APPBP2: variants seen among roughly 807,000 people sequenced by gnomAD.
The protein encoded by APPBP2 is amyloid protein-binding protein 2.
Under a neutral mutation model 76.0 loss-of-function variants are expected in APPBP2, and 15 were observed. That is an observed-to-expected ratio of 0.20 (90% CI 0.13 to 0.30). The LOEUF is 0.30. Ranked by LOEUF, APPBP2 falls within the 10% of genes least tolerant of loss-of-function variation. APPBP2 has a pLI of 1.00. For missense variants in APPBP2, 401 were observed against 687.2 expected (o/e 0.58, Z 4.66); for synonymous variants, 222 against 242.2 (o/e 0.92, Z 0.77).
intron 3 of APPBP2, among the ~76,000 whole-genome samples, chr17:60,488,141 G>A (rs1298628263): frequency 5.3e-5 from 8 of 152,206 alleles, no homozygotes; most frequent in Admixed American, 5.2e-4. Context: ...GCCCCTACTG[G>A]GAGGTGTCTC....
At chr17:60,491,232 G>A (rs2143421388) in intron 3 of APPBP2, among the ~76,000 whole-genome samples, 1 of 152,256 alleles carries the variant, frequency 6.6e-6, no homozygotes, top group South Asian at 2.1e-4. Context: ...GTTGGAAACT[G>A]GAGTAAAGGT....
At chr17:60,492,872 T>C (rs2090741229) in intron 3 of APPBP2, among the ~76,000 whole-genome samples, 1 of 152,174 alleles carries the variant, frequency 6.6e-6, no homozygotes. Context: ...TGTTGAAATG[T>C]GAGGACATGA....
At chr17:60,511,879 G>A (rs968810093) in intron 1 of APPBP2, among the ~76,000 whole-genome samples, 4 of 151,874 alleles carry the variant, frequency 2.6e-5, no homozygotes, top group Non-Finnish European at 5.9e-5. Flanking sequence ...ATTATATAAA[G>A]ATATATTTTT....
At position 60,525,991 on chromosome 17, in the gene APPBP2, C is replaced by A; in HGVS notation, c.-60G>T. On this transcript the variant is annotated 5_prime_UTR_variant, in exon 1 of 13. Transcript: ENST00000083182. ...TCCTCCCGAAGGCCCCCACCTCCCT[C>A]CGTAGCGAACCCCTCTGCGGCCCCG... The A allele has an allele frequency of 6.7e-7, 1 of 1,491,274 alleles. No homozygotes were observed. The highest frequency in any genetic ancestry group is 9.1e-7 in the Non-Finnish European group (1 of 1,101,888). 92.4% of individuals were successfully genotyped at this position (1,491,274 alleles called of 1,614,324 possible).
At chr17:60,511,353 G>A (rs1196598582) in intron 1 of APPBP2, among the ~76,000 whole-genome samples, 1 of 152,084 alleles carries the variant, frequency 6.6e-6, no homozygotes, top group Admixed American at 6.6e-5. Flanking sequence ...CTGGGAAGCC[G>A]AGGTGGGTGG....
At chr17:60,454,705 T>C (rs1293398093) in intron 10 of APPBP2, among the ~76,000 whole-genome samples, 2 of 152,182 alleles carry the variant, frequency 1.3e-5, no homozygotes, top group African/African-American at 4.8e-5. Context: ...ATATTCAAAT[T>C]TAAGAAAAAC....
chr17:60,475,935 T>G (rs551642383), intron 4 of APPBP2, among the ~76,000 whole-genome samples: 4 of 152,044 alleles, frequency 2.6e-5, no homozygotes, highest in Non-Finnish European at 5.9e-5. Flanking sequence ...ACTGATTAGC[T>G]CCAAAGAAAA....
At chr17:60,515,589 G>A (rs1308033711) in intron 1 of APPBP2, among the ~76,000 whole-genome samples, 1 of 152,168 alleles carries the variant, frequency 6.6e-6, no homozygotes, top group Non-Finnish European at 1.5e-5. Flanking sequence ...CGTCACTACT[G>A]TCCAAGAATA....
At chr17:60,476,544 C>A (rs1300531879) in intron 4 of APPBP2, among the ~76,000 whole-genome samples, 1 of 151,874 alleles carries the variant, frequency 6.6e-6, no homozygotes, top group Non-Finnish European at 1.5e-5. Context: ...ATTAAATACA[C>A]CTGTAACGGC....
chr17:60,503,487 G>T (rs2090839717), intron 1 of APPBP2, among the ~76,000 whole-genome samples: 1 of 145,346 alleles, frequency 6.9e-6, no homozygotes, highest in Non-Finnish European at 1.5e-5. Context: ...TCAGGTTCAA[G>T]TGATTCCCTT....
chr17:60,521,742 A>C (rs1350153336), intron 1 of APPBP2, among the ~76,000 whole-genome samples: 1 of 152,208 alleles, frequency 6.6e-6, no homozygotes, highest in Non-Finnish European at 1.5e-5. Context: ...AATGAGACCC[A>C]ACAGAAATTC....
At chr17:60,455,095 A>T (rs560325350) in intron 10 of APPBP2, among the ~76,000 whole-genome samples, 9 of 152,286 alleles carry the variant, frequency 5.9e-5, no homozygotes, top group Non-Finnish European at 1.3e-4. Flanking sequence ...AGAAAAAGAG[A>T]TTTACTTCAC....
chr17:60,522,873 T>TAA (rs1233255668), intron 1 of APPBP2, among the ~76,000 whole-genome samples: 1 of 149,180 alleles, frequency 6.7e-6, no homozygotes, highest in Non-Finnish European at 1.5e-5. Context: ...TTTTTTTTTT[T>TAA]AAAAAAAAGA....
intron 4 of APPBP2, chr17:60,477,350 G>T (rs1239583843): frequency 1.3e-5 from 2 of 152,146 alleles, no homozygotes; most frequent in Non-Finnish European, 2.9e-5. Flanking sequence ...ATACAAAAAA[G>T]AAAGTGTTTT....
At chr17:60,512,403 C>T (rs2090921566) in intron 1 of APPBP2, among the ~76,000 whole-genome samples, 1 of 152,054 alleles carries the variant, frequency 6.6e-6, no homozygotes, top group Admixed American at 6.6e-5. Flanking sequence ...ATAATCCTTC[C>T]TATATTGCAT....
intron 1 of APPBP2, among the ~76,000 whole-genome samples, chr17:60,507,216 TTTC>T (rs894054333): frequency 3.2e-4 from 43 of 135,710 alleles, no homozygotes; most frequent in African/African-American, 1.2e-3. Flanking sequence ...ATTAAATATT[TTTC>T]TTTTTTCTTT....
At chr17:60,474,184 T>G (rs947599824) in intron 4 of APPBP2, among the ~76,000 whole-genome samples, 2 of 152,068 alleles carry the variant, frequency 1.3e-5, no homozygotes, top group African/African-American at 4.8e-5. Flanking sequence ...TTTATTTTTT[T>G]TTTTTGAGAC....
chr17:60,483,628 C>T (rs1318038537), intron 3 of APPBP2, among the ~76,000 whole-genome samples: 1 of 152,058 alleles, frequency 6.6e-6, no homozygotes, highest in Non-Finnish European at 1.5e-5. Flanking sequence ...CTCCCGACCT[C>T]GTGATCCGCT....
rs141860411 is a variant in APPBP2, at chr17:60,482,588, C to T, written c.380-3317G>A. 1.8e-3 allele frequency among the ~76,000 whole-genome samples: 267 copies of T among 152,252 alleles called. 1 individual carries two copies. The highest frequency in any genetic ancestry group is 2.9e-3 in the Admixed American group (45 of 15,292). On this transcript the variant is annotated intron_variant, in intron 3 of 12. Transcript: ENST00000083182. Reference sequence around the variant, plus strand: ...TCCTAACGCTATCCCTCCCCCAGACCGCCACCCCACAACAGGCCCTGGTGT... The same window carrying T: ...TCCTAACGCTATCCCTCCCCCAGACTGCCACCCCACAACAGGCCCTGGTGT...
Sources: gnomAD v4.1 joint callset for allele counts (sites outside exome capture counted in the v4.1 genomes callset) on GRCh38, gnomAD v4.1.1 for gene constraint, MANE v1.5 for transcripts, NCBI Gene and HGNC (gene_info 2026-07-23, HGNC 2026-07-21) for gene names.